The following ADGRB3 variants were observed in gnomAD, a reference collection of about 807,000 sequenced individuals.
ADGRB3 encodes the protein adhesion G protein-coupled receptor B3.
Under a neutral mutation model 193.4 loss-of-function variants are expected in ADGRB3, and 37 were observed. That is an observed-to-expected ratio of 0.19 (90% CI 0.15 to 0.25). The LOEUF is 0.25. Ranked by LOEUF, ADGRB3 falls within the 10% of genes least tolerant of loss-of-function variation. The pLI is 1.00. For missense variants in ADGRB3, 1,637 were observed against 1,852.9 expected, an observed-to-expected ratio of 0.88 and a Z score of 2.14; for synonymous variants, 690 against 644.2, an observed-to-expected ratio of 1.07 and a Z score of -1.08.
intron 3 of ADGRB3, among the ~76,000 whole-genome samples, chr6:68,776,717 G>A (rs1766754833): frequency 6.6e-6 from 1 of 152,112 alleles, no homozygotes; most frequent in African/African-American, 2.4e-5. Flanking sequence ...ATAATGGAAA[G>A]TAAACAAATC....
chr6:69,369,592 G>A (rs1039098176), intron 29 of ADGRB3, among the ~76,000 whole-genome samples: 2 of 151,806 alleles, frequency 1.3e-5, no homozygotes, highest in Non-Finnish European at 2.9e-5. Context: ...CAGCTACTAG[G>A]AGGGCTGAGG....
chr6:68,967,869 A>C (rs144815134), intron 8 of ADGRB3, among the ~76,000 whole-genome samples: 1 of 152,166 alleles, frequency 6.6e-6, no homozygotes, highest in East Asian at 1.9e-4. Context: ...GGCGGGAAAG[A>C]CATGAGTCAT....
intron 3 of ADGRB3, among the ~76,000 whole-genome samples, chr6:68,739,779 G>A (rs1392634790): frequency 6.6e-6 from 1 of 152,150 alleles, no homozygotes; most frequent in Non-Finnish European, 1.5e-5. Context: ...TATTCAAATT[G>A]TAGGTTAATT....
chr6:69,331,468 C>T, intron 23 of ADGRB3: 1 of 863,752 alleles, frequency 1.2e-6, no homozygotes, highest in South Asian at 5.3e-5. Flanking sequence ...TTGAATGACT[C>T]ATTCAAAAAA....
chr6:68,795,905 C>T (rs1344704842), intron 3 of ADGRB3, among the ~76,000 whole-genome samples: 1 of 152,048 alleles, frequency 6.6e-6, no homozygotes, highest in East Asian at 1.9e-4. Flanking sequence ...TTGCAGACTT[C>T]ATACTTACTG....
chr6:68,984,658 C>T (rs1223685352), intron 10 of ADGRB3, among the ~76,000 whole-genome samples: 2 of 151,790 alleles, frequency 1.3e-5, no homozygotes, highest in African/African-American at 2.4e-5. Context: ...AATATTATAA[C>T]ATTTTTATAT....
chr6:69,019,305 G>T (rs1013607793), intron 13 of ADGRB3, among the ~76,000 whole-genome samples: 8 of 151,992 alleles, frequency 5.3e-5, no homozygotes, highest in Non-Finnish European at 1.2e-4. Flanking sequence ...CTGAACCATA[G>T]ATAGAAATGT....
chr6:69,191,621 G>A (rs948891466), intron 17 of ADGRB3, among the ~76,000 whole-genome samples: 3 of 151,994 alleles, frequency 2.0e-5, no homozygotes, highest in Admixed American at 2.0e-4. Flanking sequence ...AAGCTTTGGG[G>A]ATTACAAAGT....
chr6:69,022,078 T>G (rs1044503415), intron 13 of ADGRB3, among the ~76,000 whole-genome samples: 2 of 151,818 alleles, frequency 1.3e-5, no homozygotes, highest in Non-Finnish European at 3.0e-5. Flanking sequence ...ATATGACATC[T>G]AAAATAAACA....
chr6:69,209,399 C>T (rs1765607537), intron 17 of ADGRB3, among the ~76,000 whole-genome samples: 1 of 152,118 alleles, frequency 6.6e-6, no homozygotes, highest in Admixed American at 6.5e-5. Flanking sequence ...CCAATAGGCC[C>T]CTAGAAATTT....
intron 17 of ADGRB3, among the ~76,000 whole-genome samples, chr6:69,131,491 T>G (rs1483390834): frequency 1.3e-5 from 2 of 151,998 alleles, no homozygotes; most frequent in African/African-American, 4.8e-5. Context: ...TTGAAATGGT[T>G]TTAATTGCAT....
intron 18 of ADGRB3, among the ~76,000 whole-genome samples, chr6:69,234,621 C>T (rs1257947707): frequency 6.6e-6 from 1 of 152,038 alleles, no homozygotes; most frequent in African/African-American, 2.4e-5. Context: ...ATAGTAGCAT[C>T]TAGATAAATT....
chr6:69,048,974 CAA>C (rs141654032), intron 14 of ADGRB3, among the ~76,000 whole-genome samples: 11,287 of 152,038 alleles, frequency 0.074, 557 homozygotes, highest in Middle Eastern at 0.19. Context: ...GGTAAAAATC[CAA>C]AAGAGAATTG....
At chr6:69,239,279 TGTTA>T (rs541582399) in intron 20 of ADGRB3, 53 bp downstream of exon 20, 3 of 1,225,452 alleles carry the variant, frequency 2.4e-6, no homozygotes, top group South Asian at 1.3e-5. Flanking sequence ...TTTGGCATAT[TGTTA>T]GTTATTGATA....
intron 10 of ADGRB3, among the ~76,000 whole-genome samples, chr6:68,984,421 T>A (rs886919949): frequency 6.6e-6 from 1 of 152,072 alleles, no homozygotes; most frequent in African/African-American, 2.4e-5. Context: ...ATCTGGAGAA[T>A]GTAATTGGAT....
In ADGRB3 at chr6:69,127,902, T is replaced by TG. The variant is rs1554149859; in HGVS notation, c.2480+51864_2480+51865insG. Among the ~76,000 whole-genome samples the TG allele has an allele frequency of 2.4e-3, 148 of 62,856 alleles. 2 individuals carry two copies. The East Asian group carries it at 0.12, about 50-fold the overall frequency. 41.2% of individuals were successfully genotyped at this position (62,856 alleles called of 152,430 possible). ...GCTACAGCCAAGATAATAGTTTTTT[T>TG]TTTGTTTTTTTTTTCTGGCATGGCA... On this transcript the variant is annotated intron_variant, in intron 17 of 31. Transcript: ENST00000370598.
At position 69,382,950 on chromosome 6, in the gene ADGRB3, C is replaced by T; in HGVS notation, c.4380+15C>T. On this transcript the variant is annotated intron_variant, in intron 31 of 31. Coordinates refer to ENST00000370598, the MANE Select transcript of ADGRB3 (RefSeq NM_001704.3). The stretch of plus-strand genomic sequence containing the variant: ...CAAGCAGTATGGTAAGTATGCTTTG[C>T]TTCAATGCCTGAGTAGAAGATGCAT... The T allele has an allele frequency of 6.6e-7, 1 of 1,521,092 alleles. No individual in the cohort carries two copies. Among genetic ancestry groups the T allele is most frequent in the Non-Finnish European group, 9.1e-7 (1 of 1,102,518 alleles). The allele number at this position is 1,521,092 out of a possible 1,614,324, so 94.2% of individuals were successfully genotyped here. A position where few individuals can be genotyped will look rare whatever the true frequency, so the allele number is the denominator to read the frequency against.
chr6:68,638,443 G>T (rs780894328), intron 2 of ADGRB3, among the ~76,000 whole-genome samples: 1 of 152,198 alleles, frequency 6.6e-6, no homozygotes, highest in Non-Finnish European at 1.5e-5. Context: ...TAAATTGAAT[G>T]TTGCGAATTT....
chr6:69,156,965 G>A (rs183506092), intron 17 of ADGRB3, among the ~76,000 whole-genome samples: 1 of 152,304 alleles, frequency 6.6e-6, no homozygotes, highest in Non-Finnish European at 1.5e-5. Flanking sequence ...CAGCAGGCCT[G>A]AGCTTGCAAG....
Sources: allele counts gnomAD v4.1 joint callset (sites outside exome capture counted in the v4.1 genomes callset), GRCh38; gene constraint gnomAD v4.1.1; transcripts MANE v1.5; gene names NCBI Gene and HGNC (gene_info 2026-07-23, HGNC 2026-07-21).